TULP4: variants seen among roughly 807,000 people sequenced by gnomAD.
TULP4 encodes the protein TUB like protein 4.
TULP4 carries 16 observed loss-of-function variants against 129.0 expected under a neutral mutation model. The observed-to-expected ratio is 0.12, with a 90% CI of 0.08 to 0.19. The LOEUF is 0.19. Among genes scored for constraint, TULP4 ranks in the 10% least tolerant of loss-of-function variants. The probability of loss-of-function intolerance (pLI) is 1.00; values close to 1 mark genes in which losing one functional copy is unlikely to be tolerated. For synonymous variants in TULP4, 998 were observed against 854.0 expected, an observed-to-expected ratio of 1.17 and a Z score of -2.94; for missense variants, 1,842 against 2,059.1, an observed-to-expected ratio of 0.89 and a Z score of 2.04.
At chr6:158,480,719 C>T (rs375455490) in intron 7 of TULP4, among the ~76,000 whole-genome samples, 1 of 151,976 alleles carries the variant, frequency 6.6e-6, no homozygotes, top group South Asian at 2.1e-4. Context: ...TTGCCTTACA[C>T]TATTGATTCT....
At chr6:158,455,887 C>G (rs1246259814) in intron 5 of TULP4, among the ~76,000 whole-genome samples, 1 of 152,082 alleles carries the variant, frequency 6.6e-6, no homozygotes, top group Non-Finnish European at 1.5e-5. Context: ...TGAAGGTTCC[C>G]TGAAATGACT....
chr6:158,503,742 A>C lies in TULP4; in HGVS notation c.4079A>C (p.Lys1360Thr). Residue 1360 changes from lysine (K) to threonine (T), a missense_variant, in exon 13 of 14, where the codon AAG becomes ACG. Physicochemically the swap from Lys to Thr is moderately conservative, Grantham distance 78. Transcript: ENST00000367097. This position sits in a 1 kb window ranked among gnomAD's most constrained non-coding sequence, Gnocchi z 4.3. The stretch of plus-strand genomic sequence containing the variant: ...GCCATCACTGAGGGCAAAGTGAAGA[A>C]GGAGGCTAGGACTTTGAGTGACTTT... ...VQAITEGKVKKEARTLSDFNS... is the reference protein window; with the variant it reads ...VQAITEGKVKTEARTLSDFNS... 6.2e-7 allele frequency: 1 copy of C among 1,614,148 alleles called. No individual in the cohort carries two copies. The highest frequency in any genetic ancestry group is 8.5e-7 in the Non-Finnish European group (1 of 1,180,046).
In TULP4 at chr6:158,437,054, T is replaced by C. The variant is rs894385593; in HGVS notation, c.543+7157T>C. 1.5e-4 allele frequency among the ~76,000 whole-genome samples: 23 copies of C among 152,252 alleles called. 1 individual carries two copies. The highest frequency in any genetic ancestry group is 6.8e-3 in the Middle Eastern group (2 of 294). On this transcript the variant is annotated intron_variant, in intron 3 of 13. Coordinates refer to ENST00000367097, the MANE Select transcript of TULP4 (RefSeq NM_020245.5). ...CAGCAGCTAAGCACTGTCAGATCAT[T>C]TGGGGAGAGAAGCAGTAACAGTCAC...
At chr6:158,233,456 C>T (rs1777635578) in intron 1 of TULP4, among the ~76,000 whole-genome samples, 1 of 152,238 alleles carries the variant, frequency 6.6e-6, no homozygotes, top group East Asian at 1.9e-4. Flanking sequence ...TCCTTTGTGC[C>T]TCTTCCTCCG....
chr6:158,325,891 TC>T (rs1360987401), intron 1 of TULP4, among the ~76,000 whole-genome samples: 3 of 150,700 alleles, frequency 2.0e-5, no homozygotes, highest in African/African-American at 4.9e-5. Context: ...AACTCCTGTC[TC>T]CCCCCCTCCC....
intron 1 of TULP4, among the ~76,000 whole-genome samples, chr6:158,333,503 T>A (rs1463100958): frequency 6.6e-6 from 1 of 152,238 alleles, no homozygotes; most frequent in Non-Finnish European, 1.5e-5. Flanking sequence ...GTATTTGATA[T>A]GGCAGCACAA....
At chr6:158,400,803 G>A (rs577956497) in intron 1 of TULP4, among the ~76,000 whole-genome samples, 5 of 152,190 alleles carry the variant, frequency 3.3e-5, no homozygotes, top group South Asian at 4.2e-4. Flanking sequence ...TAAGCTAGCC[G>A]AGGTGTGTGT....
chr6:158,326,058 C>T (rs1430492740), intron 1 of TULP4, among the ~76,000 whole-genome samples: 1 of 152,166 alleles, frequency 6.6e-6, no homozygotes, highest in Non-Finnish European at 1.5e-5. Flanking sequence ...CAGCTTTGCC[C>T]TATCATCTAA....
At position 158,350,610 on chromosome 6, in the gene TULP4, A is replaced by C. The variant is rs533771541; in HGVS notation, c.252+36342A>C. 3.5e-4 allele frequency among the ~76,000 whole-genome samples: 54 copies of C among 152,246 alleles called. 1 individual carries two copies. The South Asian group carries it at 0.011, about 31-fold the overall frequency. ...AATGGTGGCATGTGCCTGGAATCCC[A>C]GGCACTCGGCAGGCCGAGGCAGGAG... On this transcript the variant is annotated intron_variant, in intron 1 of 13. Coordinates refer to ENST00000367097, the MANE Select transcript of TULP4 (RefSeq NM_020245.5).
At chr6:158,298,998 G>T (rs1438552786) in intron 1 of TULP4, among the ~76,000 whole-genome samples, 2 of 152,200 alleles carry the variant, frequency 1.3e-5, no homozygotes, top group African/African-American at 2.4e-5. Flanking sequence ...CAGAATCACG[G>T]ATGCAAGGGG....
intron 1 of TULP4, among the ~76,000 whole-genome samples, chr6:158,241,272 C>G (rs555523598): frequency 4.0e-5 from 5 of 125,484 alleles, no homozygotes; most frequent in African/African-American, 1.3e-4. Flanking sequence ...ACTGGGCAGC[C>G]AGGCAGAGGG....
At position 158,481,240 on chromosome 6, in the gene TULP4, G is replaced by A. The variant is rs769756206; in HGVS notation, c.1437G>A (p.Lys479=). The part of the protein sequence containing the change: ...VPILKGRRIS[K]LRPEFVIMDP... Reference sequence around the variant, plus strand: ...TCCTCAAAGGGCGGCGCATCAGCAAGCTGCGGCCAGAGTTCGTCATCATGG... The same window carrying A: ...TCCTCAAAGGGCGGCGCATCAGCAAACTGCGGCCAGAGTTCGTCATCATGG... The change falls in exon 8 of 14, where the codon AAG becomes AAA. Residue 479 remains lysine (K), a synonymous_variant. Transcript: ENST00000367097. The A allele has an allele frequency of 5.0e-6, 8 of 1,614,106 alleles. No homozygotes were observed. The Middle Eastern group carries it at 6.6e-4, about 133-fold the overall frequency.
intron 1 of TULP4, among the ~76,000 whole-genome samples, chr6:158,407,248 C>T (rs926567565): frequency 3.9e-5 from 6 of 152,200 alleles, no homozygotes; most frequent in African/African-American, 9.6e-5. Context: ...AAAAAACACA[C>T]AAATGGCCAC....
chr6:158,332,535 G>C (rs970624809), intron 1 of TULP4, among the ~76,000 whole-genome samples: 1 of 152,086 alleles, frequency 6.6e-6, no homozygotes, highest in African/African-American at 2.4e-5. Flanking sequence ...GGATGGGATG[G>C]AGAGGGACTT....
chr6:158,340,907 CTG>C (rs1780164783), intron 1 of TULP4, among the ~76,000 whole-genome samples: 1 of 152,178 alleles, frequency 6.6e-6, no homozygotes. Flanking sequence ...TGAAGCAAGA[CTG>C]AGGAGTTAAA....
chr6:158,289,555 T>C (rs1206118202), intron 1 of TULP4, among the ~76,000 whole-genome samples: 1 of 152,202 alleles, frequency 6.6e-6, no homozygotes, highest in Non-Finnish European at 1.5e-5. Flanking sequence ...TTTCTTCTTT[T>C]ATAACATAAG....
chr6:158,480,103 T>G, intron 7 of TULP4, 128 bp downstream of exon 7: 1 of 703,208 alleles, frequency 1.4e-6, no homozygotes, highest in Non-Finnish European at 2.3e-6. Flanking sequence ...CAGGATCCTG[T>G]CATGTGCTGC....
chr6:158,459,723 T>G lies in TULP4; in HGVS notation c.860-1840T>G, dbSNP rs1779382167. On this transcript the variant is annotated intron_variant, in intron 5 of 13. Transcript: ENST00000367097. ...TGGAAATTTCATGTCGTCATCTTTA[T>G]TTCTACAATATTACAATGATGCTTC... is the stretch of plus-strand genomic sequence containing the variant. Among the ~76,000 whole-genome samples the G allele has an allele frequency of 2.6e-5, 4 of 152,224 alleles. No homozygotes were observed. The South Asian group carries it at 8.3e-4, about 32-fold the overall frequency.
At chr6:158,468,020 A>G (rs963841529) in intron 6 of TULP4, among the ~76,000 whole-genome samples, 1 of 152,228 alleles carries the variant, frequency 6.6e-6, no homozygotes, top group African/African-American at 2.4e-5. Context: ...CAACGGATGA[A>G]TAAAAGTACA....
Sources: gnomAD v4.1 joint callset for allele counts (sites outside exome capture counted in the v4.1 genomes callset) on GRCh38, gnomAD v4.1.1 for gene constraint, Gnocchi (gnomAD v3.1) non-coding constraint, MANE v1.5 for transcripts, NCBI Gene and HGNC (gene_info 2026-07-23, HGNC 2026-07-21) for gene names.